DZIP1: variants seen among roughly 807,000 people sequenced by gnomAD.
DZIP1 encodes DAZ interacting zinc finger protein 1, also known as cilium assembly protein DZIP1.
A neutral mutation model predicts 107.6 loss-of-function variants in DZIP1; 97 were observed. The ratio of observed to expected loss-of-function variants is 0.90; its 90% confidence interval spans 0.77 to 1.07. DZIP1 has a LOEUF of 1.07. DZIP1 is among the 50% of genes least tolerant of loss of function. The probability of loss-of-function intolerance (pLI) is 0.00; values close to 1 mark genes in which losing one functional copy is unlikely to be tolerated. For synonymous variants in DZIP1, 390 were observed against 386.4 expected (o/e 1.01, Z -0.11); for missense variants, 1,035 against 1,063.6 (o/e 0.97, Z 0.37).
chr13:95,613,864 C>A (rs1265395148), intron 10 of DZIP1, among the ~76,000 whole-genome samples: 1 of 152,176 alleles, frequency 6.6e-6, no homozygotes. Flanking sequence ...ATGCAAGTTT[C>A]AAAGTCAGTG....
At chr13:95,603,306 C>CAAAAAAAAAAAAAAAAA (rs34995131) in intron 14 of DZIP1, among the ~76,000 whole-genome samples, 2 of 47,948 alleles carry the variant, frequency 4.2e-5, no homozygotes, top group African/African-American at 1.7e-4. Flanking sequence ...TGCCCAGTCT[C>CAAAAAAAAAAAAAAAAA]AAAAAAAAAA....
intron 6 of DZIP1, 53 bp from the exon 7 acceptor site, chr13:95,630,166 G>A: frequency 6.3e-7 from 1 of 1,574,844 alleles, no homozygotes; most frequent in Non-Finnish European, 8.6e-7. Context: ...AATGTACCTG[G>A]AAACTTATGG....
chr13:95,629,687 T>C (rs909606655), intron 7 of DZIP1, among the ~76,000 whole-genome samples: 2 of 152,192 alleles, frequency 1.3e-5, no homozygotes, highest in African/African-American at 4.8e-5. Context: ...CCTGACACCT[T>C]GACTTTAGCC....
intron 14 of DZIP1, among the ~76,000 whole-genome samples, chr13:95,603,985 C>T (rs2044697236): frequency 6.6e-6 from 1 of 152,202 alleles, no homozygotes; most frequent in Non-Finnish European, 1.5e-5. Flanking sequence ...GATGACAAAT[C>T]AGTGCAAGGG....
At position 95,641,472 on chromosome 13, in the gene DZIP1, C is replaced by A; in HGVS notation, c.420G>T (p.Ser140=). The A allele has an allele frequency of 6.2e-7, 1 of 1,614,092 alleles. No individual in the cohort carries two copies. The highest frequency in any genetic ancestry group is 1.1e-5 in the South Asian group (1 of 91,076). Residue 140 remains serine, a synonymous_variant, in exon 5 of 23, where the codon TCG becomes TCT. Transcript: ENST00000376829. This position sits in a 1 kb window ranked among gnomAD's most constrained non-coding sequence, Gnocchi z 4.3. ...GCCGCTCCTCCAGGGTGTGCAGCTGCGAGGTGAGGAACTCTTGTGAGTGCA... is the reference window on the plus strand; with the variant it reads ...GCCGCTCCTCCAGGGTGTGCAGCTGAGAGGTGAGGAACTCTTGTGAGTGCA... ...YLLHSQEFLT[S]QLHTLEERLR...
chr13:95,627,724 G>C (rs1237332969), intron 7 of DZIP1, among the ~76,000 whole-genome samples: 1 of 152,184 alleles, frequency 6.6e-6, no homozygotes, highest in Non-Finnish European at 1.5e-5. Flanking sequence ...AGACAGTTTG[G>C]TGGTTCCTGA....
At chr13:95,631,946 C>G (rs1438618438) in intron 6 of DZIP1, among the ~76,000 whole-genome samples, 1 of 152,186 alleles carries the variant, frequency 6.6e-6, no homozygotes, top group African/African-American at 2.4e-5. Context: ...CATTGTCAGT[C>G]TTCATCTTAC....
intron 19 of DZIP1, 67 bp downstream of exon 19, chr13:95,589,087 T>C: frequency 2.3e-6 from 3 of 1,327,882 alleles, no homozygotes; most frequent in East Asian, 4.6e-5. Flanking sequence ...CACGCTACTT[T>C]AAAATGAAAG....
Position 95,581,699 on chromosome 13 carries a change from GGT to G in DZIP1, c.*533_*534del. On this transcript the variant is annotated 3_prime_UTR_variant, in exon 23 of 23. Coordinates refer to ENST00000376829, the MANE Select transcript of DZIP1 (RefSeq NM_198968.4). The stretch of plus-strand genomic sequence containing the variant: ...AGCCTCCCAAGTAGCTGGGATTAAA[GGT>G]GAACACCACCACACTCGGATTAAAC... 6.6e-6 allele frequency: 1 copy of G among 152,336 alleles called. No individual in the cohort carries two copies. The highest frequency in any genetic ancestry group is 2.1e-4 in the South Asian group (1 of 4,820). The allele number at this position is 152,336 out of a possible 1,614,324, so 9.4% of individuals were successfully genotyped here.
chr13:95,624,777 T>G lies in DZIP1; in HGVS notation c.963A>C (p.Ala321=). The change falls in exon 8 of 23, where the codon GCA becomes GCC. Residue 321 remains alanine, a synonymous_variant. Coordinates refer to ENST00000376829, the MANE Select transcript of DZIP1 (RefSeq NM_198968.4). ...TAGGTTTAATACTTACATATTCTAA[T>G]GCTGAATTCTTCGAAGTTAATTCTT... ...EFKELTSKNS[A]LEYQLSEIQK... 6 of 1,597,784 alleles carry G rather than the reference T, an allele frequency of 3.8e-6. No homozygotes were observed. Among genetic ancestry groups the G allele is most frequent in the Non-Finnish European group, 4.3e-6 (5 of 1,169,340 alleles).
intron 12 of DZIP1, among the ~76,000 whole-genome samples, chr13:95,609,919 A>G (rs2044925125): frequency 6.6e-6 from 1 of 152,214 alleles, no homozygotes; most frequent in South Asian, 2.1e-4. Context: ...TGAGACGTGC[A>G]GGAACCAGGA....
intron 17 of DZIP1, 74 bp downstream of exon 17, chr13:95,590,205 T>C: frequency 7.4e-7 from 1 of 1,350,706 alleles, no homozygotes; most frequent in Non-Finnish European, 1.0e-6. Flanking sequence ...TAATGATATC[T>C]TGTGGTGAAA....
chr13:95,599,571 GCAAT>G (rs1439127345), intron 14 of DZIP1, 147 bp from the exon 15 acceptor site: 2 of 670,920 alleles, frequency 3.0e-6, no homozygotes, highest in African/African-American at 3.6e-5. Flanking sequence ...AAACGTTGAG[GCAAT>G]CAGTCATAGA....
At chr13:95,620,024 T>C in intron 9 of DZIP1, 77 bp from the exon 10 acceptor site, 1 of 1,470,312 alleles carries the variant, frequency 6.8e-7, no homozygotes, top group Non-Finnish European at 9.3e-7. Flanking sequence ...TCCTTTTTAG[T>C]GAATACCTAT....
chr13:95,622,279 C>G lies in DZIP1; in HGVS notation c.1110+64G>C, dbSNP rs1013681332. The G allele has an allele frequency of 1.9e-6, 3 of 1,605,302 alleles. No homozygotes were observed. In the African/African-American group the frequency reaches 4.0e-5, roughly 21 times the overall value. On this transcript the variant is annotated intron_variant, in intron 9 of 22. Coordinates refer to ENST00000376829, the MANE Select transcript of DZIP1 (RefSeq NM_198968.4). ...ACACTTTTTCTGCAGATGACACTCACTGTAAATTACTTCACTAAGAAAAAG... is the reference window on the plus strand; with the variant it reads ...ACACTTTTTCTGCAGATGACACTCAGTGTAAATTACTTCACTAAGAAAAAG...
chr13:95,637,570 A>C (rs557852446), intron 5 of DZIP1, among the ~76,000 whole-genome samples: 2 of 151,396 alleles, frequency 1.3e-5, no homozygotes, highest in South Asian at 4.2e-4. Flanking sequence ...AGACCCCTTC[A>C]CTTTAAAAAA....
intron 5 of DZIP1, chr13:95,637,093 TC>T (rs1172883627): frequency 6.6e-6 from 1 of 152,206 alleles, no homozygotes; most frequent in Non-Finnish European, 1.5e-5. Flanking sequence ...ATATTCTTCA[TC>T]CAATATGTCT....
At chr13:95,596,331 G>A (rs1172392610) in intron 15 of DZIP1, among the ~76,000 whole-genome samples, 1 of 152,036 alleles carries the variant, frequency 6.6e-6, no homozygotes, top group Non-Finnish European at 1.5e-5. Context: ...ATGCACAACA[G>A]TCCATACATG....
rs778817329 is a variant in DZIP1 at position 95,589,209 on chromosome 13, T to TA, written c.1974-3dup. 6.3e-6 allele frequency: 10 copies of TA among 1,589,342 alleles called. No homozygotes were observed. The highest frequency in any genetic ancestry group is 5.2e-5 in the Admixed American group (3 of 57,438). ...TCTTCCATGACATTTTTCTTAATTC[T>TA]AAAAAAACAACAGAAAAATATTTTT... is the stretch of plus-strand genomic sequence containing the variant. On this transcript the variant is annotated splice_region_variant and splice_polypyrimidine_tract_variant and intron_variant, in intron 18 of 22. Transcript: ENST00000376829.
Sources: allele counts gnomAD v4.1 joint callset (sites outside exome capture counted in the v4.1 genomes callset), GRCh38; gene constraint gnomAD v4.1.1; non-coding constraint Gnocchi (gnomAD v3.1); transcripts MANE v1.5; gene names NCBI Gene and HGNC (gene_info 2026-07-23, HGNC 2026-07-21).